Variants in NSD3 observed in about 807,000 individuals in gnomAD.
The protein encoded by NSD3 is nuclear receptor binding SET domain protein 3.
Under a neutral mutation model 160.8 loss-of-function variants are expected in NSD3, and 24 were observed. The ratio of observed to expected loss-of-function variants is 0.15; its 90% CI spans 0.11 to 0.21. NSD3 has a LOEUF of 0.21. NSD3 is among the 10% of genes least tolerant of loss of function. The pLI, the probability that NSD3 is intolerant of heterozygous loss-of-function variation, is 1.00. For synonymous variants in NSD3, 520 were observed against 600.0 expected, an observed-to-expected ratio of 0.87 and a Z score of 1.95; for missense variants, 1,157 against 1,735.9, an observed-to-expected ratio of 0.67 and a Z score of 5.93.
chr8:38,362,149 C>T (rs1810981897), intron 1 of NSD3, among the ~76,000 whole-genome samples: 1 of 150,164 alleles, frequency 6.7e-6, no homozygotes. Flanking sequence ...CTGAAAGTTA[C>T]AGGACATGAA....
chr8:38,317,680 T>C lies in NSD3; in HGVS notation c.1855+1215A>G. Reference sequence around the variant, plus strand: ...AAAACAAAAAACCAAAAACAGTCCATGTTGAAATTGATCAGTGTAAGTTAA... The same window carrying C: ...AAAACAAAAAACCAAAAACAGTCCACGTTGAAATTGATCAGTGTAAGTTAA... On this transcript the variant is annotated intron_variant, in intron 9 of 23. Transcript: ENST00000317025. The surrounding 1 kb of genome is among the most constrained non-coding windows in gnomAD (Gnocchi z 5.3). The C allele has an allele frequency of 1.6e-6, 2 of 1,248,440 alleles. No homozygotes were observed. The highest frequency in any genetic ancestry group is 1.0e-6 in the Non-Finnish European group (1 of 991,480). 77.3% of individuals were successfully genotyped at this position (1,248,440 alleles called of 1,614,324 possible). A position where few individuals can be genotyped will look rare whatever the true frequency, so the allele number is the denominator to read the frequency against.
chr8:38,320,822 A>G, intron 8 of NSD3: 1 of 329,218 alleles, frequency 3.0e-6, no homozygotes, highest in Non-Finnish European at 5.5e-6. Context: ...ATAAATGTGA[A>G]GGATTTTTTA....
In NSD3 at chr8:38,272,376, C is replaced by T. The variant is rs1808503085; in HGVS notation, c.*3265G>A. ...AATGAAAATAAAACCCACCTCACTC[C>T]TGTATCTCTCCCTGATTAGACATTA... On this transcript the variant is annotated 3_prime_UTR_variant, in exon 24 of 24. Coordinates refer to ENST00000317025, the MANE Select transcript of NSD3 (RefSeq NM_023034.2). 6.6e-6 allele frequency: 1 copy of T among 152,228 alleles called. No homozygotes were observed. The highest frequency in any genetic ancestry group is 2.4e-5 in the African/African-American group (1 of 41,450). The allele number at this position is 152,228 out of a possible 1,614,324, so 9.4% of individuals were successfully genotyped here.
chr8:38,330,053 T>C (rs1382625532), intron 5 of NSD3, among the ~76,000 whole-genome samples, 160 bp from the exon 6 acceptor site: 1 of 152,226 alleles, frequency 6.6e-6, no homozygotes, highest in Non-Finnish European at 1.5e-5. Flanking sequence ...ATAATTCTGA[T>C]AAAAAGATAT....
chr8:38,338,507 G>C, intron 3 of NSD3, 29 bp downstream of exon 3: 1 of 1,573,076 alleles, frequency 6.4e-7, no homozygotes, highest in Non-Finnish European at 8.8e-7. Context: ...ACCATATTTG[G>C]TTAGACAGTA....
chr8:38,308,261 C>T (rs1227685191), intron 12 of NSD3, among the ~76,000 whole-genome samples: 1 of 152,014 alleles, frequency 6.6e-6, no homozygotes, highest in East Asian at 1.9e-4. Flanking sequence ...CTGTGATGTT[C>T]ACTTTTTAAA....
In NSD3 at chr8:38,304,663, G is replaced by C. The variant is rs1224158680; in HGVS notation, c.2535C>G (p.Leu845=). The change falls in exon 14 of 24, where the codon CTC becomes CTG. Residue 845 remains leucine (L), a synonymous_variant. Transcript: ENST00000317025. The part of the protein sequence containing the change: ...AGSMLVSSYI[L]ICSNHSKRSS... ...TCCGTTTGGAATGATTACTACAGAT[G>C]AGAATGTAGGAGGATACTAACATGC... 10 of 1,614,122 alleles carry C rather than the reference G, an allele frequency of 6.2e-6. No homozygotes were observed. The highest frequency in any genetic ancestry group is 7.6e-6 in the Non-Finnish European group (9 of 1,180,000).
intron 22 of NSD3, among the ~76,000 whole-genome samples, chr8:38,277,940 T>C (rs960076099): frequency 1.5e-5 from 2 of 137,296 alleles, no homozygotes; most frequent in Non-Finnish European, 3.2e-5. Flanking sequence ...AACAGACTTC[T>C]TTTTTTTTTT....
At chr8:38,313,064 C>T (rs576657209) in intron 12 of NSD3, among the ~76,000 whole-genome samples, 20 of 152,256 alleles carry the variant, frequency 1.3e-4, no homozygotes, top group Non-Finnish European at 2.6e-4. Context: ...AATATGACCC[C>T]GGGGCTGCCA....
At chr8:38,349,736 G>T (rs1810635115) in intron 1 of NSD3, among the ~76,000 whole-genome samples, 1 of 147,222 alleles carries the variant, frequency 6.8e-6, no homozygotes, top group South Asian at 2.1e-4. Flanking sequence ...TGCACAATGT[G>T]CAGGTTTGTT....
At chr8:38,303,161 CTT>C (rs1491413002) in intron 14 of NSD3, 14 of 907,960 alleles carry the variant, frequency 1.5e-5, no homozygotes, top group Non-Finnish European at 1.8e-5. Context: ...CAATAAGAGA[CTT>C]TATGTTATCA....
chr8:38,327,355 C>CA (rs553005516), intron 6 of NSD3, among the ~76,000 whole-genome samples: 2 of 151,576 alleles, frequency 1.3e-5, no homozygotes, highest in Admixed American at 6.6e-5. Flanking sequence ...CGCACCCGGC[C>CA]AAAAAAAATT....
chr8:38,309,584 T>C (rs1809486295), intron 12 of NSD3, among the ~76,000 whole-genome samples: 1 of 151,392 alleles, frequency 6.6e-6, no homozygotes, highest in South Asian at 2.1e-4. Context: ...GCCTGGGAGG[T>C]CAAGGCTGCA....
intron 23 of NSD3, 69 bp from the exon 24 acceptor site, chr8:38,275,951 A>G: frequency 1.4e-6 from 2 of 1,388,188 alleles, no homozygotes; most frequent in South Asian, 2.6e-5. Context: ...TTACCCATGA[A>G]AAACCCAGGT....
Position 38,275,678 on chromosome 8 carries a change from C to T in NSD3, c.4277G>A (p.Trp1426Ter), listed in dbSNP as rs1299320729. ...PEYWSKIKCK[W>*]ESQDHGEEVK... is the part of the protein sequence containing the mutation. ...TTCTTCTCCATGATCTTGTGATTCCCATTTACATTTTATCTTGCTCCAGTA... is the reference window on the plus strand; with the variant it reads ...TTCTTCTCCATGATCTTGTGATTCCTATTTACATTTTATCTTGCTCCAGTA... Residue 1426 changes from tryptophan to a stop codon, truncating the protein, a stop_gained, in exon 24 of 24, where the codon TGG (tryptophan) becomes TAG (stop). Coordinates refer to ENST00000317025, the MANE Select transcript of NSD3 (RefSeq NM_023034.2). LOFTEE classifies it high-confidence loss of function. 3 of 1,614,056 alleles carry T rather than the reference C, an allele frequency of 1.9e-6. No homozygotes were observed. Among genetic ancestry groups the T allele is most frequent in the South Asian group, 1.1e-5 (1 of 91,084 alleles).
intron 1 of NSD3, among the ~76,000 whole-genome samples, chr8:38,366,110 C>CAAAAAAA (rs757397268): frequency 2.3e-5 from 1 of 44,328 alleles, no homozygotes; most frequent in Non-Finnish European, 4.9e-5. Context: ...GACTCTGTCT[C>CAAAAAAA]AAAAAAAAAA....
rs548156532 is a variant in NSD3, at chr8:38,350,211, T to A, written c.-44-1996A>T. On this transcript the variant is annotated intron_variant, in intron 1 of 23. Transcript: ENST00000317025. ...TTTGGGTATATACCCAGTAATGGGA[T>A]GCCTGGGTCAAATGGTATTTCTAGT... 7.9e-5 allele frequency among the ~76,000 whole-genome samples: 12 copies of A among 152,336 alleles called. No individual in the cohort carries two copies. In the East Asian group the frequency reaches 2.3e-3, roughly 29 times the overall value.
intron 6 of NSD3, 85 bp from the exon 7 acceptor site, chr8:38,326,941 TG>T (rs903973713): frequency 1.4e-6 from 2 of 1,446,640 alleles, no homozygotes; most frequent in African/African-American, 2.9e-5. Context: ...TGGCTTAAAA[TG>T]ATCATAATTT....
At chr8:38,356,840 T>A (rs944353057) in intron 1 of NSD3, among the ~76,000 whole-genome samples, 1 of 151,908 alleles carries the variant, frequency 6.6e-6, no homozygotes, top group African/African-American at 2.4e-5. Context: ...TTCCTTAGGC[T>A]GGGAGCAGTG....
Sources: gnomAD v4.1 joint callset for allele counts (sites outside exome capture counted in the v4.1 genomes callset) on GRCh38, gnomAD v4.1.1 for gene constraint, Gnocchi (gnomAD v3.1) non-coding constraint, MANE v1.5 for transcripts, NCBI Gene and HGNC (gene_info 2026-07-23, HGNC 2026-07-21) for gene names.